The following ARL13B variants were observed in gnomAD, a reference collection of about 807,000 sequenced individuals.
ARL13B encodes ADP-ribosylation factor-like protein 13B.
In ARL13B, 36 loss-of-function variants were observed where a neutral mutation model predicts 56.1. The ratio of observed to expected loss-of-function variants is 0.64; its 90% CI spans 0.49 to 0.85. The LOEUF (loss-of-function observed/expected upper bound fraction) is 0.85, where lower values mean the gene tolerates loss of function less well. ARL13B is among the 40% of genes least tolerant of loss of function. ARL13B has a pLI of 0.00. For missense variants in ARL13B, 519 were observed against 507.1 expected (o/e 1.02, Z -0.23); for synonymous variants, 178 against 171.1 (o/e 1.04, Z -0.32).
intron 3 of ARL13B, among the ~76,000 whole-genome samples, chr3:94,034,214 G>A (rs1243223070): frequency 1.3e-5 from 2 of 151,756 alleles, no homozygotes; most frequent in African/African-American, 4.8e-5. Context: ...AGATTTTAAT[G>A]GTAACTTGGG....
chr3:94,036,694 C>T lies in ARL13B; in HGVS notation c.629C>T (p.Ala210Val), dbSNP rs768200171. ...CAAAAAGAGACAACAGAGCAGCGTG[C>T]TCTTGAGGAACAAGAGAAACAAGAA... ...RIQKETTEQR[A>V]LEEQEKQERA... Residue 210 changes from alanine to valine, a missense_variant, in exon 5 of 10, where the codon GCT (alanine) becomes GTT (valine). Physicochemically the swap from Ala to Val is moderately conservative, Grantham distance 64. Transcript: ENST00000394222. 6.8e-6 allele frequency: 11 copies of T among 1,613,828 alleles called. No homozygotes were observed. In the African/African-American group the frequency reaches 1.3e-4, roughly 20 times the overall value.
intron 3 of ARL13B, among the ~76,000 whole-genome samples, chr3:94,012,268 T>G (rs1011614903): frequency 6.6e-6 from 1 of 152,156 alleles, no homozygotes; most frequent in Admixed American, 6.6e-5. Flanking sequence ...CCTACTGATA[T>G]AGCTAATATC....
chr3:94,019,870 G>C (rs146032983), intron 3 of ARL13B, among the ~76,000 whole-genome samples: 1 of 152,106 alleles, frequency 6.6e-6, no homozygotes, highest in Admixed American at 6.5e-5. Flanking sequence ...TCTTCTATTT[G>C]AAGTGTTCTT....
chr3:94,010,086 C>T (rs1282070446), intron 3 of ARL13B, among the ~76,000 whole-genome samples: 4 of 152,236 alleles, frequency 2.6e-5, no homozygotes, highest in East Asian at 1.9e-4. Flanking sequence ...CATACGTGCT[C>T]TCCAGATCAT....
chr3:93,987,149 T>C (rs1297511016), intron 1 of ARL13B, among the ~76,000 whole-genome samples: 5 of 142,674 alleles, frequency 3.5e-5, no homozygotes, highest in Admixed American at 1.5e-4. Context: ...ATGATGCTTA[T>C]ATTTCTGATT....
chr3:94,050,764 C>A, intron 8 of ARL13B, 60 bp from the exon 9 acceptor site: 2 of 1,440,382 alleles, frequency 1.4e-6, no homozygotes, highest in Non-Finnish European at 1.9e-6. Flanking sequence ...GGGATCCTCT[C>A]AACAGACCTA....
At chr3:94,049,681 T>C (rs1184588188) in intron 8 of ARL13B, among the ~76,000 whole-genome samples, 159 bp downstream of exon 8, 2 of 152,118 alleles carry the variant, frequency 1.3e-5, no homozygotes, top group African/African-American at 2.4e-5. Context: ...CAAAATTTGC[T>C]AACACAAATG....
At chr3:94,043,821 C>T (rs1352758483) in intron 7 of ARL13B, among the ~76,000 whole-genome samples, 14 of 147,422 alleles carry the variant, frequency 9.5e-5, no homozygotes, top group African/African-American at 3.5e-4. Context: ...CCACTCCTGA[C>T]TGGTTTTTGT....
At chr3:94,045,212 A>G (rs1470281872) in intron 7 of ARL13B, among the ~76,000 whole-genome samples, 1 of 152,112 alleles carries the variant, frequency 6.6e-6, no homozygotes, top group East Asian at 1.9e-4. Context: ...GGGCGGTGCA[A>G]GATGTGCTTT....
intron 5 of ARL13B, among the ~76,000 whole-genome samples, chr3:94,037,635 T>G (rs1030436511): frequency 3.3e-5 from 5 of 152,072 alleles, no homozygotes; most frequent in African/African-American, 1.2e-4. Context: ...TGTTTTTTTC[T>G]TAGTATGTAT....
At chr3:94,041,864 G>T (rs2076868776) in intron 6 of ARL13B, among the ~76,000 whole-genome samples, 2 of 152,082 alleles carry the variant, frequency 1.3e-5, no homozygotes, top group Admixed American at 6.6e-5. Flanking sequence ...TTCAAGACCA[G>T]CCTGGCCAAG....
chr3:94,053,883 G>A lies in ARL13B; in HGVS notation c.*620G>A. 3.2e-6 allele frequency: 1 copy of A among 314,088 alleles called. No homozygotes were observed. Among genetic ancestry groups the A allele is most frequent in the Non-Finnish European group, 6.2e-6 (1 of 160,902 alleles). The allele number at this position is 314,088 out of a possible 1,614,324, so 19.5% of individuals were successfully genotyped here. The stretch of plus-strand genomic sequence containing the variant: ...TTGAGGTATGTTTTGTAATAGCGTT[G>A]TTCTTTAAGTGTACATCGTAATTTG... On this transcript the variant is annotated 3_prime_UTR_variant, in exon 10 of 10. Coordinates refer to ENST00000394222, the MANE Select transcript of ARL13B (RefSeq NM_001174150.2).
intron 3 of ARL13B, among the ~76,000 whole-genome samples, chr3:94,016,242 C>T (rs1158872585): frequency 6.6e-6 from 1 of 151,836 alleles, no homozygotes; most frequent in East Asian, 1.9e-4. Context: ...TAAGAAGAGG[C>T]TGTTAGGGAG....
At chr3:94,019,986 ACT>A (rs1462715707) in intron 3 of ARL13B, among the ~76,000 whole-genome samples, 3 of 151,660 alleles carry the variant, frequency 2.0e-5, no homozygotes, top group East Asian at 1.9e-4. Context: ...CCTTCTTTCA[ACT>A]CTCTGACCCT....
chr3:93,985,882 A>C (rs1009313970), intron 1 of ARL13B, among the ~76,000 whole-genome samples: 3 of 152,192 alleles, frequency 2.0e-5, no homozygotes, highest in African/African-American at 7.2e-5. Context: ...CAAGTCTAAA[A>C]TAAGATACAG....
intron 8 of ARL13B, 66 bp downstream of exon 8, chr3:94,049,588 G>GA: frequency 1.3e-6 from 1 of 772,374 alleles, no homozygotes; most frequent in South Asian, 3.0e-5. Flanking sequence ...AAAAAAAAAA[G>GA]AAAAAAGGAA....
intron 3 of ARL13B, among the ~76,000 whole-genome samples, chr3:94,008,341 C>T (rs2076167679): frequency 1.3e-5 from 2 of 152,014 alleles, no homozygotes; most frequent in Admixed American, 6.6e-5. Context: ...CTAGCTGGCC[C>T]TTCAGAAATT....
chr3:93,993,039 G>T (rs560353056), intron 1 of ARL13B, among the ~76,000 whole-genome samples: 8 of 150,434 alleles, frequency 5.3e-5, no homozygotes, highest in African/African-American at 2.0e-4. Context: ...GCCTGAGCTC[G>T]AGTGATCGGC....
At chr3:94,029,343 T>TTA (rs2076628480) in intron 3 of ARL13B, among the ~76,000 whole-genome samples, 1 of 103,530 alleles carries the variant, frequency 9.7e-6, no homozygotes, top group African/African-American at 4.9e-5. Flanking sequence ...TATTTATTTT[T>TTA]TTTTTATTTT....
Sources: allele counts gnomAD v4.1 joint callset (sites outside exome capture counted in the v4.1 genomes callset), GRCh38; gene constraint gnomAD v4.1.1; transcripts MANE v1.5; gene names NCBI Gene and HGNC (gene_info 2026-07-23, HGNC 2026-07-21).